The following ANK3 variants were observed in gnomAD, a reference collection of about 807,000 sequenced individuals.
ANK3 encodes the protein ankyrin 3.
ANK3 carries 57 observed loss-of-function variants against 370.9 expected under a neutral mutation model. That is an observed-to-expected ratio of 0.15 (90% confidence interval 0.12 to 0.19). The LOEUF (loss-of-function observed/expected upper bound fraction) is 0.19. Ranked by LOEUF, ANK3 falls within the 10% of genes least tolerant of loss-of-function variation. The probability of loss-of-function intolerance (pLI) is 1.00; values close to 1 mark genes in which losing one functional copy is unlikely to be tolerated. For missense variants in ANK3, 4,439 were observed against 5,302.1 expected, an observed-to-expected ratio of 0.84 and a Z score of 5.06; for synonymous variants, 1,929 against 1,946.3, an observed-to-expected ratio of 0.99 and a Z score of 0.23.
intron 42 of ANK3, chr10:60,043,949 A>G (rs1327971444): frequency 2.0e-6 from 2 of 985,756 alleles, no homozygotes; most frequent in Non-Finnish European, 2.4e-6. Flanking sequence ...CAAATGCATA[A>G]GATGTCAAAA....
intron 1 of ANK3, among the ~76,000 whole-genome samples, chr10:60,731,987 T>C (rs1001155619): frequency 1.3e-5 from 2 of 152,202 alleles, no homozygotes; most frequent in African/African-American, 4.8e-5. Flanking sequence ...AGACTTCTCA[T>C]TGATTCCCTG....
chr10:60,337,884 A>G (rs538679765), intron 1 of ANK3, among the ~76,000 whole-genome samples: 1 of 152,324 alleles, frequency 6.6e-6, no homozygotes, highest in South Asian at 2.1e-4. Flanking sequence ...CATTTTGTAT[A>G]TGACTGGCCA....
intron 8 of ANK3, among the ~76,000 whole-genome samples, chr10:60,226,586 T>TA (rs575559986): frequency 0.011 from 798 of 72,044 alleles, 19 homozygotes; most frequent in African/African-American, 0.054. Context: ...ATATATACTA[T>TA]GTATATATAC....
At chr10:60,196,094 G>T in intron 16 of ANK3, 51 bp downstream of exon 16, 1 of 1,502,244 alleles carries the variant, frequency 6.7e-7, no homozygotes, top group South Asian at 1.1e-5. Context: ...TGCAGATAGA[G>T]ACTGATAGAC....
intron 2 of ANK3, among the ~76,000 whole-genome samples, chr10:60,578,439 T>C (rs2133276228): frequency 6.6e-6 from 1 of 152,340 alleles, no homozygotes. Context: ...GAGTCATTCC[T>C]TTGATCTTCC....
At chr10:60,238,680 G>A (rs1412740831) in intron 7 of ANK3, among the ~76,000 whole-genome samples, 2 of 151,992 alleles carry the variant, frequency 1.3e-5, no homozygotes, top group Admixed American at 6.6e-5. Context: ...ATTCTCTGAT[G>A]CCCCAGACTC....
chr10:60,593,996 G>A (rs758537771), intron 2 of ANK3, among the ~76,000 whole-genome samples: 5 of 152,136 alleles, frequency 3.3e-5, no homozygotes, highest in Non-Finnish European at 5.9e-5. Context: ...ACATGTTTAC[G>A]TAGTCCCATT....
Position 60,082,659 on chromosome 10 carries a change from T to A in ANK3, c.4279A>T (p.Thr1427Ser). The change falls in exon 34 of 44, where the codon ACA becomes TCA. Residue 1427 changes from threonine to serine, a missense_variant. Transcript: ENST00000280772. ...EPKTTKGLPQ[T>S]AVCNLNITLP... ...GTGATATTTAAGTTGCAAACCGCTG[T>A]TTGAGGCAGTCCTTTTGTTGTCTTT... is the stretch of plus-strand genomic sequence containing the variant. 1 of 1,614,122 alleles carries A rather than the reference T, an allele frequency of 6.2e-7. No homozygotes were observed. The highest frequency in any genetic ancestry group is 8.5e-7 in the Non-Finnish European group (1 of 1,179,964).
intron 1 of ANK3, among the ~76,000 whole-genome samples, chr10:60,377,883 T>C (rs1366708317): frequency 6.6e-6 from 1 of 152,214 alleles, no homozygotes; most frequent in African/African-American, 2.4e-5. Context: ...AACTGTTATG[T>C]GAGACAACAA....
At chr10:60,268,082 G>A (rs1353928911) in intron 5 of ANK3, among the ~76,000 whole-genome samples, 1 of 152,144 alleles carries the variant, frequency 6.6e-6, no homozygotes, top group Non-Finnish European at 1.5e-5. Flanking sequence ...CAACCACAGA[G>A]CACTGTATCC....
intron 2 of ANK3, among the ~76,000 whole-genome samples, chr10:60,583,357 A>T (rs1285059496): frequency 6.6e-6 from 1 of 152,166 alleles, no homozygotes; most frequent in African/African-American, 2.4e-5. Flanking sequence ...GATAGGGAAG[A>T]AAAGAGGGAA....
chr10:60,206,559 C>T (rs1277252402), intron 10 of ANK3, among the ~76,000 whole-genome samples: 1 of 151,136 alleles, frequency 6.6e-6, no homozygotes, highest in Non-Finnish European at 1.5e-5. Flanking sequence ...TTTGTCCTCA[C>T]AGCTCCACTT....
intron 2 of ANK3, among the ~76,000 whole-genome samples, chr10:60,440,318 A>G (rs2064268612): frequency 6.6e-6 from 1 of 152,146 alleles, no homozygotes; most frequent in South Asian, 2.1e-4. Flanking sequence ...TTATAAAGAA[A>G]ATAGGTATAC....
Position 60,151,085 on chromosome 10 carries a change from A to C in ANK3, c.2615-11998T>G, listed in dbSNP as rs764222234. On this transcript the variant is annotated intron_variant, in intron 23 of 43. Transcript: ENST00000280772. ...TTAGGACATAATGGAAATTAGGAGT[A>C]AAAATAGTATTAATAATGCTGTTGA... Among the ~76,000 whole-genome samples the C allele has an allele frequency of 1.9e-3, 283 of 152,318 alleles. 3 individuals carry two copies. The highest frequency in any genetic ancestry group is 9.8e-4 in the Admixed American group (15 of 15,302).
At chr10:60,704,564 G>T (rs898074369) in intron 1 of ANK3, among the ~76,000 whole-genome samples, 2 of 152,156 alleles carry the variant, frequency 1.3e-5, no homozygotes, top group Non-Finnish European at 2.9e-5. Context: ...GATAATGGGG[G>T]TGACGTTAGA....
chr10:60,067,012 C>T (rs995595697), intron 38 of ANK3, among the ~76,000 whole-genome samples: 14 of 152,072 alleles, frequency 9.2e-5, no homozygotes, highest in African/African-American at 1.7e-4. Flanking sequence ...CTCTGCCTCC[C>T]GGGTTCAAGC....
At chr10:60,108,228 G>A (rs748033415) in intron 27 of ANK3, 2 of 448,044 alleles carry the variant, frequency 4.5e-6, no homozygotes, top group African/African-American at 2.0e-5. Context: ...TGCAGGATTC[G>A]GCTAACCAAG....
intron 8 of ANK3, among the ~76,000 whole-genome samples, chr10:60,218,338 T>C (rs2096980702): frequency 8.6e-6 from 1 of 116,156 alleles, no homozygotes; most frequent in African/African-American, 2.7e-5. Flanking sequence ...TGCTATTTGG[T>C]TATTTTGCAC....
Position 60,186,776 on chromosome 10 carries a change from C to G in ANK3, c.2024G>C (p.Gly675Ala), listed in dbSNP as rs2096347618. 3.7e-6 allele frequency: 6 copies of G among 1,614,116 alleles called. No homozygotes were observed. Among genetic ancestry groups the G allele is most frequent in the Non-Finnish European group, 5.1e-6 (6 of 1,180,018 alleles). Residue 675 changes from glycine to alanine, a missense_variant, in exon 17 of 44, where the codon GGG becomes GCG. Transcript: ENST00000280772. ...GAGCAGCGACACCATGTCCACGTGC[C>G]CTTCCTGAGCTGCGAGATGGACGGA... ...IASVHLAAQEGHVDMVSLLLG... is the reference protein window; with the variant it reads ...IASVHLAAQEAHVDMVSLLLG...
Sources: allele counts gnomAD v4.1 joint callset (sites outside exome capture counted in the v4.1 genomes callset), GRCh38; gene constraint gnomAD v4.1.1; transcripts MANE v1.5; gene names NCBI Gene and HGNC (gene_info 2026-07-23, HGNC 2026-07-21).